Variants in PLXDC1 observed in about 807,000 individuals in gnomAD.
PLXDC1 encodes the protein plexin domain containing 1.
In PLXDC1, 39 loss-of-function variants were observed where a neutral mutation model predicts 61.3. That is an observed-to-expected ratio of 0.64 (90% CI 0.49 to 0.83). The LOEUF is 0.83. PLXDC1 is among the 40% of genes least tolerant of loss of function. PLXDC1 has a pLI of 0.00. For synonymous variants in PLXDC1, 212 were observed against 254.5 expected (o/e 0.83, Z 1.59); for missense variants, 596 against 666.5 (o/e 0.89, Z 1.17).
chr17:39,132,392 C>A (rs1351995873), intron 2 of PLXDC1, among the ~76,000 whole-genome samples: 1 of 152,060 alleles, frequency 6.6e-6, no homozygotes, highest in Non-Finnish European at 1.5e-5. Context: ...GTCCCCGAAA[C>A]GCCCAGTGTC....
At chr17:39,132,489 T>G (rs1178108350) in intron 2 of PLXDC1, among the ~76,000 whole-genome samples, 1 of 152,006 alleles carries the variant, frequency 6.6e-6, no homozygotes, top group Non-Finnish European at 1.5e-5. Flanking sequence ...GATGTGGTGG[T>G]AGATTGGGTG....
At chr17:39,117,086 GCT>G (rs1365572955) in intron 2 of PLXDC1, among the ~76,000 whole-genome samples, 8 of 152,230 alleles carry the variant, frequency 5.3e-5, no homozygotes, top group Admixed American at 6.5e-5. Flanking sequence ...CCAAGACCAA[GCT>G]CTTTCAGTCT....
intron 7 of PLXDC1, among the ~76,000 whole-genome samples, chr17:39,104,726 G>A (rs1400720722): frequency 6.6e-6 from 1 of 152,122 alleles, no homozygotes; most frequent in African/African-American, 2.4e-5. Flanking sequence ...GGAGGCTGCA[G>A]TGGGTAGAAA....
intron 11 of PLXDC1, among the ~76,000 whole-genome samples, chr17:39,077,380 C>T (rs1428168326): frequency 1.3e-5 from 2 of 152,088 alleles, no homozygotes; most frequent in Admixed American, 1.3e-4. Flanking sequence ...AGCAGGGAAG[C>T]CCCTAGATTG....
rs564895245 is a variant in PLXDC1 at position 39,123,866 on chromosome 17, T to A, written c.256-14475A>T. On this transcript the variant is annotated intron_variant, in intron 2 of 13. Coordinates refer to ENST00000315392, the MANE Select transcript of PLXDC1 (RefSeq NM_020405.5). Reference sequence around the variant, plus strand: ...CTGCCAGCCAACTGGCAGGAGGAAATGCTGGGGCAAGCAACCAAGGACGTC... The same window carrying A: ...CTGCCAGCCAACTGGCAGGAGGAAAAGCTGGGGCAAGCAACCAAGGACGTC... 2.5e-4 allele frequency among the ~76,000 whole-genome samples: 38 copies of A among 152,068 alleles called. 1 individual carries two copies. The South Asian group carries it at 7.7e-3, about 31-fold the overall frequency.
intron 4 of PLXDC1, 79 bp from the exon 5 acceptor site, chr17:39,108,324 G>T: frequency 1.4e-6 from 2 of 1,465,276 alleles, no homozygotes; most frequent in Non-Finnish European, 9.5e-7. Flanking sequence ...CCAAGGGCAA[G>T]AAGGGCAGCG....
At chr17:39,074,366 A>G (rs1185743664) in intron 11 of PLXDC1, among the ~76,000 whole-genome samples, 2 of 152,124 alleles carry the variant, frequency 1.3e-5, no homozygotes. Flanking sequence ...TCTCTTATAG[A>G]TGTAACTTCA....
At chr17:39,134,397 G>A (rs1252173210) in intron 2 of PLXDC1, among the ~76,000 whole-genome samples, 4 of 151,910 alleles carry the variant, frequency 2.6e-5, no homozygotes, top group Non-Finnish European at 4.4e-5. Context: ...AGGCCGAAGC[G>A]GGTGGATTGC....
At chr17:39,145,637 C>T (rs185722168) in intron 1 of PLXDC1, among the ~76,000 whole-genome samples, 8 of 151,924 alleles carry the variant, frequency 5.3e-5, no homozygotes, top group African/African-American at 1.2e-4. Context: ...AGAAAGGAGG[C>T]GAGGGGAGGG....
chr17:39,067,968 G>A lies in PLXDC1; in HGVS notation c.1384-9C>T. Reference sequence around the variant, plus strand: ...CAGTGGTGAGGTCTACGCTGCAGAAGGCACAGAGGCAAAGTCAGTGGGCAT... The same window carrying A: ...CAGTGGTGAGGTCTACGCTGCAGAAAGCACAGAGGCAAAGTCAGTGGGCAT... On this transcript the variant is annotated splice_polypyrimidine_tract_variant and intron_variant, in intron 13 of 13. Transcript: ENST00000315392. 1 of 1,613,084 alleles carries A rather than the reference G, an allele frequency of 6.2e-7. No individual in the cohort carries two copies. The highest frequency in any genetic ancestry group is 2.2e-5 in the East Asian group (1 of 44,880).
intron 2 of PLXDC1, among the ~76,000 whole-genome samples, chr17:39,110,216 G>T (rs1910750416): frequency 6.6e-6 from 1 of 152,086 alleles, no homozygotes; most frequent in Non-Finnish European, 1.5e-5. Flanking sequence ...TCTGGAATGG[G>T]ACTTATATAA....
At chr17:39,073,475 T>G (rs916615781) in intron 11 of PLXDC1, 4 of 152,250 alleles carry the variant, frequency 2.6e-5, no homozygotes, top group African/African-American at 9.6e-5. Context: ...TCTAGACCAT[T>G]GAAGATCAAT....
At chr17:39,148,776 C>T (rs1324504471) in intron 1 of PLXDC1, among the ~76,000 whole-genome samples, 1 of 152,034 alleles carries the variant, frequency 6.6e-6, no homozygotes, top group African/African-American at 2.4e-5. Context: ...TTTGCCCAGG[C>T]TGGTCTCAAA....
chr17:39,125,124 CCT>C (rs1911277423), intron 2 of PLXDC1, among the ~76,000 whole-genome samples: 1 of 152,188 alleles, frequency 6.6e-6, no homozygotes, highest in Admixed American at 6.6e-5. Flanking sequence ...TTTAATGTCC[CCT>C]GTTATTATTT....
chr17:39,075,423 C>G (rs1909288605), intron 11 of PLXDC1, among the ~76,000 whole-genome samples: 1 of 152,198 alleles, frequency 6.6e-6, no homozygotes, highest in African/African-American at 2.4e-5. Context: ...CACATAGACC[C>G]TTTTCCATTT....
Position 39,107,427 on chromosome 17 carries a change from T to C in PLXDC1, c.691A>G (p.Ile231Val), listed in dbSNP as rs1003840931. 1 of 1,611,850 alleles carries C rather than the reference T, an allele frequency of 6.2e-7. No individual in the cohort carries two copies. Among genetic ancestry groups the C allele is most frequent in the Admixed American group, 1.7e-5 (1 of 59,888 alleles). The change falls in exon 6 of 14, where the codon ATT (isoleucine) becomes GTT (valine). Residue 231 changes from isoleucine (I) to valine (V), a missense_variant. Physicochemically the swap from Ile to Val is conservative, Grantham distance 29. Coordinates refer to ENST00000315392, the MANE Select transcript of PLXDC1 (RefSeq NM_020405.5). ...CTCACCTCTTTATAGGCAAAGACAA[T>C]GCGGCCGTCATGGTGCAGAGCTGCC... is the stretch of plus-strand genomic sequence containing the variant. ...FQAALHHDGR[I>V]VFAYKEIPMS...
intron 11 of PLXDC1, among the ~76,000 whole-genome samples, chr17:39,076,731 T>TTTGTG (rs1158931449): frequency 2.0e-5 from 3 of 151,990 alleles, no homozygotes; most frequent in South Asian, 2.1e-4. Context: ...TTTGTTTTGT[T>TTTGTG]TTGTGTTGTG....
intron 2 of PLXDC1, among the ~76,000 whole-genome samples, chr17:39,127,257 GGGACCTGAGGAGGGT>G (rs1230913706): frequency 6.6e-6 from 1 of 152,130 alleles, no homozygotes; most frequent in East Asian, 1.9e-4. Flanking sequence ...TACCTCATCT[GGGACCTGAGGAGGGT>G]GAGCAACTGC....
At chr17:39,105,813 C>T in intron 7 of PLXDC1, 41 bp downstream of exon 7, 1 of 1,329,594 alleles carries the variant, frequency 7.5e-7, no homozygotes, top group Non-Finnish European at 1.1e-6. Flanking sequence ...GAGCGGAGTC[C>T]TACCCCCATC....
Sources: allele counts gnomAD v4.1 joint callset (sites outside exome capture counted in the v4.1 genomes callset), GRCh38; gene constraint gnomAD v4.1.1; transcripts MANE v1.5; gene names NCBI Gene and HGNC (gene_info 2026-07-23, HGNC 2026-07-21).